GLIS3: variants seen among roughly 807,000 people sequenced by gnomAD.
GLIS3 encodes zinc finger protein GLIS3.
A neutral mutation model predicts 78.6 loss-of-function variants in GLIS3; 53 were observed. The ratio of observed to expected loss-of-function variants is 0.67; its 90% confidence interval spans 0.54 to 0.85. The LOEUF is 0.85. GLIS3 is among the 40% of genes least tolerant of loss of function. The pLI, the probability that GLIS3 is intolerant of heterozygous loss-of-function variation, is 0.00. For missense variants in GLIS3, 1,703 were observed against 1,231.1 expected (o/e 1.38, Z -5.74); for synonymous variants, 684 against 509.9 (o/e 1.34, Z -4.60).
intron 6 of GLIS3, among the ~76,000 whole-genome samples, chr9:3,919,207 G>GATAAGTTATAAAAT (rs1458282775): frequency 1.3e-5 from 2 of 152,196 alleles, no homozygotes; most frequent in East Asian, 3.8e-4. Context: ...CCAAGAACTT[G>GATAAGTTATAAAAT]TTGATAAGTT....
rs763642885 is a variant in GLIS3, at chr9:4,241,676, TTTTTG to T, written c.388+44357_388+44361del. 1.3e-4 allele frequency among the ~76,000 whole-genome samples: 20 copies of T among 148,908 alleles called. No individual in the cohort carries two copies. In the South Asian group the frequency reaches 2.5e-3, roughly 19 times the overall value. ...CACAGCACACTTGTGCTTTTTTTGT[TTTTTG>T]TTTTGTTTTTTTTGAGATACAGTCT... On this transcript the variant is annotated intron_variant, in intron 2 of 10. Transcript: ENST00000381971.
chr9:4,321,964 G>C (rs975289742), intron 2 of GLIS3, among the ~76,000 whole-genome samples: 9 of 152,006 alleles, frequency 5.9e-5, no homozygotes, highest in South Asian at 2.1e-4. Context: ...GTGCAGTGTT[G>C]GTGAGCTGCA....
intron 2 of GLIS3, among the ~76,000 whole-genome samples, chr9:4,233,706 G>A (rs35337384): frequency 0.12 from 18,243 of 152,144 alleles, 1,254 homozygotes; most frequent in African/African-American, 0.18. Context: ...CCCTAACAAG[G>A]GAGCCAGCCT....
At chr9:3,902,578 TCTTTA>T in intron 6 of GLIS3, among the ~76,000 whole-genome samples, 1 of 152,170 alleles carries the variant, frequency 6.6e-6, no homozygotes, top group East Asian at 1.9e-4. Context: ...GGAGGGAGGG[TCTTTA>T]CTTGTGGTTC....
intron 4 of GLIS3, among the ~76,000 whole-genome samples, chr9:4,013,155 T>G (rs1822168219): frequency 6.6e-6 from 1 of 151,900 alleles, no homozygotes; most frequent in Non-Finnish European, 1.5e-5. Flanking sequence ...GTAAGGAAAT[T>G]TGGGTTCTCT....
chr9:3,967,967 T>C (rs1447600323), intron 4 of GLIS3, among the ~76,000 whole-genome samples: 1 of 152,198 alleles, frequency 6.6e-6, no homozygotes, highest in Non-Finnish European at 1.5e-5. Context: ...TAAGACCCCA[T>C]AAATCATATC....
intron 4 of GLIS3, among the ~76,000 whole-genome samples, chr9:3,944,329 T>C (rs551000027): frequency 6.6e-6 from 1 of 152,344 alleles, no homozygotes; most frequent in South Asian, 2.1e-4. Context: ...TGGGGACAAA[T>C]GGAACCTCAT....
At chr9:4,324,312 T>C (rs1020378153) in intron 2 of GLIS3, among the ~76,000 whole-genome samples, 3 of 152,218 alleles carry the variant, frequency 2.0e-5, no homozygotes, top group African/African-American at 4.8e-5. Context: ...AGGCAGAGGA[T>C]GTGGAGTTGT....
rs61358552 is a variant in GLIS3, at chr9:4,020,070, T to G, written c.1711-82881A>C. Among the ~76,000 whole-genome samples the G allele has an allele frequency of 1.3e-3, 204 of 152,244 alleles. 1 individual carries two copies. Among genetic ancestry groups the G allele is most frequent in the African/African-American group, 4.6e-3 (193 of 41,548 alleles). On this transcript the variant is annotated intron_variant, in intron 4 of 10. Transcript: ENST00000381971. ...CTAGCCTACAATTTTAAATACAATG[T>G]TAACAGTAGACCTTATGGAGAAGGT...
chr9:4,360,789 G>C, the GLIS3 span, among the ~76,000 whole-genome samples: 1 of 152,204 alleles, frequency 6.6e-6, no homozygotes, highest in African/African-American at 2.4e-5. Context: ...ACACCTTGAA[G>C]GGTGCTGCAG....
chr9:4,407,368 G>A, the GLIS3 span, among the ~76,000 whole-genome samples: 33 of 152,300 alleles, frequency 2.2e-4, no homozygotes, highest in Middle Eastern at 3.4e-3. Flanking sequence ...AAAACTGACC[G>A]GGCAAGGTGG....
the GLIS3 span, among the ~76,000 whole-genome samples, chr9:4,454,901 C>T: frequency 6.6e-6 from 1 of 152,198 alleles, no homozygotes; most frequent in South Asian, 2.1e-4. Context: ...TGTACACACA[C>T]TCACATGCCT....
intron 4 of GLIS3, among the ~76,000 whole-genome samples, chr9:4,080,068 G>T (rs150424712): frequency 2.6e-5 from 4 of 152,208 alleles, no homozygotes; most frequent in African/African-American, 4.8e-5. Flanking sequence ...TGTTTGTGCA[G>T]GAATCTGCCT....
chr9:3,853,153 T>C (rs1819540529), intron 9 of GLIS3, among the ~76,000 whole-genome samples: 1 of 152,308 alleles, frequency 6.6e-6, no homozygotes. Context: ...TGCAGTGAGC[T>C]ATGACTGTGC....
intron 4 of GLIS3, among the ~76,000 whole-genome samples, chr9:3,976,573 C>T (rs888033374): frequency 6.6e-6 from 1 of 151,490 alleles, no homozygotes; most frequent in African/African-American, 2.4e-5. Context: ...CCCTCTGACA[C>T]CCTCTGAAGA....
chr9:3,871,866 A>C lies in GLIS3; in HGVS notation c.2297+7561T>G, dbSNP rs145233059. Among the ~76,000 whole-genome samples the C allele has an allele frequency of 2.0e-3, 297 of 152,262 alleles. 1 individual carries two copies. Among genetic ancestry groups the C allele is most frequent in the Middle Eastern group, 0.01 (3 of 294 alleles). On this transcript the variant is annotated intron_variant, in intron 8 of 10. Coordinates refer to ENST00000381971, the MANE Select transcript of GLIS3 (RefSeq NM_001042413.2). ...TATGCAAATTTATGCAGCCAGCTTG[A>C]ATTTCTCCCCAGAAAATGAGATTTT... is the stretch of plus-strand genomic sequence containing the variant.
chr9:4,223,043 G>C (rs1432722118), intron 2 of GLIS3, among the ~76,000 whole-genome samples: 1 of 152,102 alleles, frequency 6.6e-6, no homozygotes, highest in Non-Finnish European at 1.5e-5. Context: ...GAAAGAGAAA[G>C]ATCACTTTTT....
chr9:4,324,613 C>G (rs1041721909), intron 2 of GLIS3, among the ~76,000 whole-genome samples: 6 of 152,154 alleles, frequency 3.9e-5, no homozygotes, highest in African/African-American at 1.4e-4. Flanking sequence ...GATTTAGATT[C>G]TGAAATATCT....
intron 4 of GLIS3, among the ~76,000 whole-genome samples, chr9:4,307,925 T>A (rs920078092): frequency 3.3e-5 from 5 of 152,136 alleles, no homozygotes; most frequent in African/African-American, 1.2e-4. Context: ...TAAGATAGAA[T>A]TGCGGGTTGT....
Sources: gnomAD v4.1 joint callset for allele counts (sites outside exome capture counted in the v4.1 genomes callset) on GRCh38, gnomAD v4.1.1 for gene constraint, MANE v1.5 for transcripts, NCBI Gene and HGNC (gene_info 2026-07-23, HGNC 2026-07-21) for gene names.